Variants in GPR149 observed in about 807,000 individuals in gnomAD.
The protein encoded by GPR149 is probable G protein-coupled receptor 149.
Under a neutral mutation model 50.2 loss-of-function variants are expected in GPR149, and 50 were observed. The observed-to-expected ratio is 1.00, with a 90% CI of 0.79 to 1.26. The LOEUF (loss-of-function observed/expected upper bound fraction) is 1.26. Ranked by LOEUF, GPR149 falls within the 50% of genes most tolerant of loss-of-function variation. The probability of loss-of-function intolerance (pLI) is 0.00; values close to 1 mark genes in which losing one functional copy is unlikely to be tolerated. For synonymous variants in GPR149, 405 were observed against 358.2 expected (o/e 1.13, Z -1.48); for missense variants, 983 against 895.4 (o/e 1.10, Z -1.25).
At chr3:154,396,761 T>A (rs1373771809) in intron 3 of GPR149, among the ~76,000 whole-genome samples, 1 of 152,060 alleles carries the variant, frequency 6.6e-6, no homozygotes, top group Non-Finnish European at 1.5e-5. Flanking sequence ...CCTTTGTCTT[T>A]TTAACACTTT....
Position 154,337,995 on chromosome 3 carries a change from C to T in GPR149, c.1900G>A (p.Val634Met). 1 of 1,614,172 alleles carries T rather than the reference C, an allele frequency of 6.2e-7. No individual in the cohort carries two copies. The highest frequency in any genetic ancestry group is 2.2e-5 in the East Asian group (1 of 44,870). ...ICDNEEALDT[V>M]SIISNISQSS... Reference sequence around the variant, plus strand: ...TGACTGATGTTACTAATGATTGACACAGTGTCCAAGGCCTCTTCATTATCA... The same window carrying T: ...TGACTGATGTTACTAATGATTGACATAGTGTCCAAGGCCTCTTCATTATCA... The change falls in exon 4 of 4, where the codon GTG becomes ATG. Residue 634 changes from valine (V) to methionine (M), a missense_variant. By Grantham distance (21) the Val-to-Met change is conservative. Transcript: ENST00000389740.
chr3:154,381,550 T>G (rs571768718), intron 3 of GPR149, among the ~76,000 whole-genome samples: 1 of 152,252 alleles, frequency 6.6e-6, no homozygotes, highest in East Asian at 1.9e-4. Context: ...TTTTTAGGAT[T>G]TAGTTTTTTT....
chr3:154,348,282 T>C lies in GPR149; in HGVS notation c.1624-10011A>G, dbSNP rs191925243. Among the ~76,000 whole-genome samples the C allele has an allele frequency of 8.6e-3, 1,303 of 152,318 alleles. 5 individuals carry two copies. The highest frequency in any genetic ancestry group is 0.014 in the Non-Finnish European group (951 of 68,024). On this transcript the variant is annotated intron_variant, in intron 3 of 3. Transcript: ENST00000389740. ...ATTCCTCTGCAGTAGTTTATTCTTG[T>C]AGTCTAAATAAACCAATTAAAAGCC...
At chr3:154,394,202 G>T (rs1715236852) in intron 3 of GPR149, among the ~76,000 whole-genome samples, 1 of 151,938 alleles carries the variant, frequency 6.6e-6, no homozygotes, top group Non-Finnish European at 1.5e-5. Context: ...ATATAGTACT[G>T]GCATAAAGAC....
chr3:154,428,149 C>T (rs1343958673), intron 1 of GPR149, among the ~76,000 whole-genome samples: 8 of 152,196 alleles, frequency 5.3e-5, no homozygotes, highest in Non-Finnish European at 1.0e-4. Flanking sequence ...GGAACAAAAG[C>T]CTGTTTTGTT....
rs1209069131 is a variant in GPR149 at position 154,336,738 on chromosome 3, A to G, written c.*961T>C. 1 of 152,146 alleles carries G rather than the reference A, an allele frequency of 6.6e-6. No homozygotes were observed. Among genetic ancestry groups the G allele is most frequent in the Non-Finnish European group, 1.5e-5 (1 of 67,970 alleles). The allele number at this position is 152,146 out of a possible 1,614,324, so 9.4% of individuals were successfully genotyped here. On this transcript the variant is annotated 3_prime_UTR_variant, in exon 4 of 4. Coordinates refer to ENST00000389740, the MANE Select transcript of GPR149 (RefSeq NM_001038705.3). ...TATAATATTTGAAGTAAACTTTTCT[A>G]TTTCAAGAATGACTAAGAAAGGTTG...
intron 3 of GPR149, among the ~76,000 whole-genome samples, chr3:154,416,284 A>T (rs1446576279): frequency 6.6e-6 from 1 of 151,828 alleles, no homozygotes; most frequent in African/African-American, 2.4e-5. Context: ...GCACTTTAAA[A>T]TTTTTAATGT....
At chr3:154,360,366 A>T (rs1366407497) in intron 3 of GPR149, among the ~76,000 whole-genome samples, 2 of 152,248 alleles carry the variant, frequency 1.3e-5, no homozygotes, top group East Asian at 3.8e-4. Flanking sequence ...ACAAGAATCA[A>T]GGCTGTGGCA....
At chr3:154,389,671 G>A (rs1715120939) in intron 3 of GPR149, among the ~76,000 whole-genome samples, 1 of 152,088 alleles carries the variant, frequency 6.6e-6, no homozygotes, top group Admixed American at 6.6e-5. Flanking sequence ...TCTATGGGAA[G>A]GGTAAGAAAG....
At chr3:154,413,533 G>T (rs79278029) in intron 3 of GPR149, among the ~76,000 whole-genome samples, 1 of 151,978 alleles carries the variant, frequency 6.6e-6, no homozygotes, top group Non-Finnish European at 1.5e-5. Flanking sequence ...TATACAAATG[G>T]CCAGAAGCAT....
chr3:154,428,682 C>A lies in GPR149; in HGVS notation c.934G>T (p.Ala312Ser), dbSNP rs1333041988. 1.2e-6 allele frequency: 2 copies of A among 1,613,992 alleles called. No individual in the cohort carries two copies. Among genetic ancestry groups the A allele is most frequent in the Admixed American group, 3.3e-5 (2 of 59,986 alleles). The change falls in exon 1 of 4, where the codon GCT (alanine) becomes TCT (serine). Residue 312 changes from alanine to serine, a missense_variant. Transcript: ENST00000389740. ...ACTTTTGTAAGCGCTAGGATCAAAG[C>A]GAAGCGCTTCTGCGCTACGCTCACG... ...FTVSVAQKRF[A>S]LILALTKVVL...
rs1007629502 is a variant in GPR149, at chr3:154,419,515, C to A, written c.1623+1524G>T. On this transcript the variant is annotated intron_variant, in intron 3 of 3. Coordinates refer to ENST00000389740, the MANE Select transcript of GPR149 (RefSeq NM_001038705.3). ...CCAGAAGACTATATATAGCATGATA[C>A]CATCTTTAGAAGGCTCAAAATTAGC... Among the ~76,000 whole-genome samples, 5 of 152,024 alleles carry A rather than the reference C, an allele frequency of 3.3e-5. No homozygotes were observed. The South Asian group carries it at 6.2e-4, about 19-fold the overall frequency.
chr3:154,429,542 A>G lies in GPR149; in HGVS notation c.74T>C (p.Leu25Pro), dbSNP rs779519176. ...LWKENHNSTD[L>P]LNPPGTLNIY... ...ATTCAGGGTTCCTGGCGGATTTAAA[A>G]GGTCCGTAGAATTATGATTCTCTTT... Residue 25 changes from leucine to proline, a missense_variant, in exon 1 of 4, where the codon CTT (leucine) becomes CCT (proline). Leu to Pro is a moderately conservative substitution (Grantham distance 98, BLOSUM62 -3). Transcript: ENST00000389740. The G allele has an allele frequency of 1.9e-6, 3 of 1,614,142 alleles. No individual in the cohort carries two copies. The highest frequency in any genetic ancestry group is 2.2e-5 in the South Asian group (2 of 91,082).
chr3:154,358,449 C>T (rs1714297408), intron 3 of GPR149, among the ~76,000 whole-genome samples: 1 of 151,762 alleles, frequency 6.6e-6, no homozygotes, highest in African/African-American at 2.4e-5. Flanking sequence ...AAAAGCTCTT[C>T]TAAAAAAAAT....
chr3:154,427,116 C>G (rs376537180), intron 2 of GPR149, among the ~76,000 whole-genome samples: 9 of 152,056 alleles, frequency 5.9e-5, no homozygotes, highest in African/African-American at 2.2e-4. Context: ...AATCCTTTTT[C>G]AAATGCAAGC....
chr3:154,408,489 T>A (rs1282632579), intron 3 of GPR149, among the ~76,000 whole-genome samples: 1 of 152,080 alleles, frequency 6.6e-6, no homozygotes, highest in Non-Finnish European at 1.5e-5. Context: ...TGGGGCACAG[T>A]GGGAGTGAGA....
chr3:154,349,284 A>G (rs994562736), intron 3 of GPR149, among the ~76,000 whole-genome samples: 4 of 152,206 alleles, frequency 2.6e-5, no homozygotes, highest in African/African-American at 4.8e-5. Flanking sequence ...CATTGAAAAC[A>G]GAAAAACAAA....
chr3:154,376,984 T>A (rs943153191), intron 3 of GPR149, among the ~76,000 whole-genome samples: 1 of 151,544 alleles, frequency 6.6e-6, no homozygotes, highest in Non-Finnish European at 1.5e-5. Flanking sequence ...GTGTAAAGTA[T>A]TTAGAAGACT....
chr3:154,373,471 A>G (rs1309102671), intron 3 of GPR149, among the ~76,000 whole-genome samples: 1 of 152,214 alleles, frequency 6.6e-6, no homozygotes, highest in Admixed American at 6.5e-5. Context: ...GGAACCCAGG[A>G]GCTTTCATCA....
Sources: gnomAD v4.1 joint callset for allele counts (sites outside exome capture counted in the v4.1 genomes callset) on GRCh38, gnomAD v4.1.1 for gene constraint, MANE v1.5 for transcripts, NCBI Gene and HGNC (gene_info 2026-07-23, HGNC 2026-07-21) for gene names.